ZNF451: variants seen among roughly 807,000 people sequenced by gnomAD.
ZNF451 encodes E3 SUMO-protein ligase ZNF451.
A neutral mutation model predicts 107.1 loss-of-function variants in ZNF451; 80 were observed. The observed-to-expected ratio is 0.75, with a 90% confidence interval of 0.62 to 0.90. The LOEUF (loss-of-function observed/expected upper bound fraction) is 0.90. Ranked by LOEUF, ZNF451 falls within the 40% of genes least tolerant of loss-of-function variation. The pLI is 0.00. For missense variants in ZNF451, 1,107 were observed against 1,236.2 expected (o/e 0.90, Z 1.57); for synonymous variants, 362 against 406.5 (o/e 0.89, Z 1.32).
At chr6:57,164,760 A>G (rs1043447615) in intron 14 of ZNF451, 6 of 152,166 alleles carry the variant, frequency 3.9e-5, no homozygotes, top group African/African-American at 7.2e-5. Flanking sequence ...TCTACCTCCT[A>G]CTACTGGTTG....
chr6:57,144,234 C>CTTTTTTTTTTTTTTTTTTTTT (rs57250829), intron 9 of ZNF451, among the ~76,000 whole-genome samples: 2 of 114,802 alleles, frequency 1.7e-5, no homozygotes, highest in African/African-American at 3.6e-5. Context: ...GAATTATATC[C>CTTTTTTTTTTTTTTTTTTTTT]TTTTTTTTTT....
At chr6:57,142,949 C>T (rs903823938) in intron 9 of ZNF451, among the ~76,000 whole-genome samples, 2 of 152,016 alleles carry the variant, frequency 1.3e-5, no homozygotes, top group African/African-American at 4.8e-5. Context: ...TGGGCACTTT[C>T]TTGTGTTTAT....
rs946615724 is a variant in ZNF451 at position 57,169,216 on chromosome 6, T to G, written c.*747T>G. The G allele has an allele frequency of 2.0e-5, 3 of 152,172 alleles. No individual in the cohort carries two copies. Among genetic ancestry groups the G allele is most frequent in the African/African-American group, 7.2e-5 (3 of 41,458 alleles). 9.4% of individuals were successfully genotyped at this position (152,172 alleles called of 1,614,324 possible). A position where few individuals can be genotyped will look rare whatever the true frequency, so the allele number is the denominator to read the frequency against. The stretch of plus-strand genomic sequence containing the variant: ...TGTCAGAATATTTGCATAAAATTAT[T>G]TTTCATAACAGTCCTTTTTTATATA... On this transcript the variant is annotated 3_prime_UTR_variant, in exon 15 of 15. Transcript: ENST00000370706.
At chr6:57,099,729 A>T (rs1022852636) in intron 3 of ZNF451, 28 of 484,994 alleles carry the variant, frequency 5.8e-5, no homozygotes, top group Non-Finnish European at 9.5e-5. Flanking sequence ...GAATTGAACT[A>T]GTTGAGCCCT....
At chr6:57,157,052 A>C (rs968566232) in intron 13 of ZNF451, among the ~76,000 whole-genome samples, 1 of 152,184 alleles carries the variant, frequency 6.6e-6, no homozygotes, top group South Asian at 2.1e-4. Context: ...GACTCCTGCT[A>C]TAAGTAACAT....
chr6:57,163,368 T>C (rs1763751609), intron 14 of ZNF451, among the ~76,000 whole-genome samples: 2 of 151,610 alleles, frequency 1.3e-5, no homozygotes, highest in Admixed American at 6.6e-5. Context: ...TCATGTTTTA[T>C]TTATCTTTAC....
chr6:57,155,583 C>CCG (rs1468230625), intron 13 of ZNF451, among the ~76,000 whole-genome samples: 2 of 152,198 alleles, frequency 1.3e-5, no homozygotes, highest in Non-Finnish European at 2.9e-5. Context: ...TTTACCTTTG[C>CCG]CGCACAAGGC....
Position 57,168,817 on chromosome 6 carries a change from T to C in ZNF451, c.*348T>C. On this transcript the variant is annotated 3_prime_UTR_variant, in exon 15 of 15. Transcript: ENST00000370706. ...CCAAATAGCATTAGTTCTTTAATTT[T>C]ATTTGTACTGTACAAATGATGCTAG... 4.7e-6 allele frequency: 1 copy of C among 211,522 alleles called. No homozygotes were observed. The highest frequency in any genetic ancestry group is 9.3e-6 in the Non-Finnish European group (1 of 107,646). 13.1% of individuals were successfully genotyped at this position (211,522 alleles called of 1,614,324 possible). A position where few individuals can be genotyped will look rare whatever the true frequency, so the allele number is the denominator to read the frequency against.
chr6:57,169,658 T>C lies in ZNF451; in HGVS notation c.*1189T>C, dbSNP rs1764045166. The C allele has an allele frequency of 6.6e-6, 1 of 152,192 alleles. No homozygotes were observed. 9.4% of individuals were successfully genotyped at this position (152,192 alleles called of 1,614,324 possible). On this transcript the variant is annotated 3_prime_UTR_variant, in exon 15 of 15. Coordinates refer to ENST00000370706, the MANE Select transcript of ZNF451 (RefSeq NM_001031623.3). ...TAACACTAAATATTTTAGTGTGAAA[T>C]TGAATTTTTTTATTACTATAGTCTT...
rs1164171368 is a variant in ZNF451, at chr6:57,117,034, T to G, written c.187-7700T>G. ...CTTTTGTTTTCAGCATTAGGGCTTG[T>G]GGGTCTTTTCAGCCCTTCAGTGTTG... is the stretch of plus-strand genomic sequence containing the variant. On this transcript the variant is annotated intron_variant, in intron 3 of 14. Transcript: ENST00000370706. 7 of 152,182 alleles carry G rather than the reference T, an allele frequency of 4.6e-5. No individual in the cohort carries two copies. The East Asian group carries it at 1.3e-3, about 29-fold the overall frequency. The allele number at this position is 152,182 out of a possible 1,614,324, so 9.4% of individuals were successfully genotyped here. A position where few individuals can be genotyped will look rare whatever the true frequency, so the allele number is the denominator to read the frequency against.
Position 57,147,209 on chromosome 6 carries a change from C to G in ZNF451, c.1124C>G (p.Thr375Ser). Residue 375 changes from threonine (T) to serine (S), a missense_variant, in exon 10 of 15, where the codon ACC becomes AGC. Physicochemically the swap from Thr to Ser is moderately conservative, Grantham distance 58. This residue lies in a region of ZNF451 where 608 missense variants were observed against 649.2 expected (regional missense o/e 0.94). Coordinates refer to ENST00000370706, the MANE Select transcript of ZNF451 (RefSeq NM_001031623.3). ...TGCAATCAAGTCTTTGTGGATGAAA[C>G]CAGCACCCAAAATCATAAGCAGAAT... ...PDCNQVFVDE[T>S]STQNHKQNSG... is the part of the protein sequence containing the mutation. 3 of 1,613,984 alleles carry G rather than the reference C, an allele frequency of 1.9e-6. No homozygotes were observed. Among genetic ancestry groups the G allele is most frequent in the Non-Finnish European group, 2.5e-6 (3 of 1,179,954 alleles).
At chr6:57,109,230 T>C (rs1830003838) in intron 3 of ZNF451, 1 of 985,318 alleles carries the variant, frequency 1.0e-6, no homozygotes. Context: ...GCACTGATTA[T>C]GTTAATCGTA....
At chr6:57,107,624 C>T (rs995042293) in intron 3 of ZNF451, 6 of 985,108 alleles carry the variant, frequency 6.1e-6, no homozygotes, top group African/African-American at 1.7e-5. Context: ...AAAGTTAACC[C>T]GTTTTCCGTA....
chr6:57,139,686 T>C (rs976573719), intron 7 of ZNF451, among the ~76,000 whole-genome samples: 1 of 152,234 alleles, frequency 6.6e-6, no homozygotes, highest in Non-Finnish European at 1.5e-5. Flanking sequence ...GAGGAGGCTC[T>C]TAACAAGGTT....
chr6:57,101,112 A>C, intron 3 of ZNF451: 1 of 1,550,754 alleles, frequency 6.4e-7, no homozygotes, highest in Non-Finnish European at 8.7e-7. Context: ...ATTTATCCAC[A>C]GTTGAAGAAG....
chr6:57,155,805 T>C (rs1212005938), intron 13 of ZNF451, among the ~76,000 whole-genome samples: 2 of 150,964 alleles, frequency 1.3e-5, no homozygotes, highest in Non-Finnish European at 2.9e-5. Context: ...ATGACTCTTA[T>C]GTTCTAGGTA....
chr6:57,102,126 A>G, intron 3 of ZNF451: 1 of 1,464,760 alleles, frequency 6.8e-7, no homozygotes, highest in African/African-American at 1.4e-5. Flanking sequence ...CAGAGTAGTC[A>G]TTCAAGATCC....
rs367618711 is a variant in ZNF451 at position 57,142,236 on chromosome 6, TAGTG to T, written c.1004+144_1004+147del. 6,417 of 995,824 alleles carry T rather than the reference TAGTG, an allele frequency of 6.4e-3. 42 individuals carry two copies. Among genetic ancestry groups the T allele is most frequent in the Middle Eastern group, 9.2e-3 (31 of 3,382 alleles). The allele number at this position is 995,824 out of a possible 1,614,324, so 61.7% of individuals were successfully genotyped here. On this transcript the variant is annotated intron_variant, in intron 9 of 14. Coordinates refer to ENST00000370706, the MANE Select transcript of ZNF451 (RefSeq NM_001031623.3). ...GCCTGGAAATTAGCCAAATTTAACA[TAGTG>T]AGAGAAGTTAGAGTTGTGGAAAACG...
At chr6:57,142,185 T>G in intron 9 of ZNF451, 90 bp downstream of exon 9, 3 of 1,410,614 alleles carry the variant, frequency 2.1e-6, no homozygotes, top group Non-Finnish European at 2.8e-6. Context: ...CATGTTTCTC[T>G]CCTTTTAAAA....
Sources: allele counts gnomAD v4.1 joint callset (sites outside exome capture counted in the v4.1 genomes callset), GRCh38; gene constraint gnomAD v4.1.1; regional missense constraint gnomAD v4.1.1; transcripts MANE v1.5; gene names NCBI Gene and HGNC (gene_info 2026-07-23, HGNC 2026-07-21).